Variants in CCNH observed in about 807,000 individuals in gnomAD.
CCNH encodes cyclin-H.
A neutral mutation model predicts 41.9 loss-of-function variants in CCNH; 31 were observed. The observed-to-expected ratio is 0.74, with a 90% CI of 0.56 to 1.00. CCNH has a LOEUF of 1.00. CCNH is among the 50% of genes least tolerant of loss of function. The pLI is 0.00. For synonymous variants in CCNH, 138 were observed against 136.1 expected, an observed-to-expected ratio of 1.01 and a Z score of -0.10; for missense variants, 362 against 388.4, an observed-to-expected ratio of 0.93 and a Z score of 0.57.
At chr5:87,333,820 C>T (rs1757765701) in intron 9 of CCNH, among the ~76,000 whole-genome samples, 1 of 151,986 alleles carries the variant, frequency 6.6e-6, no homozygotes, top group South Asian at 2.1e-4. Context: ...ATTTAATTTT[C>T]TAGTGGAAAC....
At chr5:87,364,527 C>G (rs559993980) in intron 9 of CCNH, among the ~76,000 whole-genome samples, 1 of 152,016 alleles carries the variant, frequency 6.6e-6, no homozygotes, top group Non-Finnish European at 1.5e-5. Flanking sequence ...CCCCTGAATA[C>G]TCACTGATAC....
intron 9 of CCNH, chr5:87,383,676 T>G: frequency 7.1e-7 from 1 of 1,400,890 alleles, no homozygotes; most frequent in Non-Finnish European, 1.0e-6. Flanking sequence ...ATAGGTGTTT[T>G]CTAAAAAAAA....
chr5:87,336,560 A>G (rs927637046), intron 9 of CCNH, among the ~76,000 whole-genome samples: 1 of 152,114 alleles, frequency 6.6e-6, no homozygotes, highest in African/African-American at 2.4e-5. Context: ...ATAATATAGA[A>G]TGAGTTATGA....
exon 1 of CCNH, chr5:87,377,137 A>T: frequency 7.0e-7 from 1 of 1,428,344 alleles, no homozygotes. Flanking sequence ...AAATTGTTAA[A>T]TTATATTGCA....
At chr5:87,342,750 T>G (rs991573798) in intron 9 of CCNH, among the ~76,000 whole-genome samples, 1 of 152,154 alleles carries the variant, frequency 6.6e-6, no homozygotes, top group Non-Finnish European at 1.5e-5. Context: ...TCACTTTGTC[T>G]AGTTGTCTAG....
intron 9 of CCNH, among the ~76,000 whole-genome samples, chr5:87,339,451 T>TGTTA (rs945919004): frequency 2.6e-5 from 4 of 152,332 alleles, no homozygotes; most frequent in African/African-American, 9.6e-5. Context: ...CTATAAAATT[T>TGTTA]GTTAGTTACA....
intron 9 of CCNH, among the ~76,000 whole-genome samples, chr5:87,339,042 CG>C (rs1237359915): frequency 6.6e-6 from 1 of 152,056 alleles, no homozygotes; most frequent in Non-Finnish European, 1.5e-5. Flanking sequence ...CCTTTCCTTT[CG>C]GATTTTTCTA....
At chr5:87,318,675 C>G (rs1000412441) in exon 10 of CCNH, 3 of 152,176 alleles carry the variant, frequency 2.0e-5, no homozygotes, top group African/African-American at 7.2e-5. Flanking sequence ...CTACCAGGTC[C>G]CCTCCCAACA....
At chr5:87,395,540 G>A (rs914802181) in intron 7 of CCNH, among the ~76,000 whole-genome samples, 9 of 152,114 alleles carry the variant, frequency 5.9e-5, no homozygotes, top group Non-Finnish European at 1.2e-4. Context: ...TGTGTGATAA[G>A]AAGTGTTTCA....
At chr5:87,314,155 A>G (rs1044701459), downstream of CCNH, among the ~76,000 whole-genome samples, 2 of 152,186 alleles carry the variant, frequency 1.3e-5, no homozygotes, top group African/African-American at 4.8e-5. Flanking sequence ...CCTGGGCAAC[A>G]AGAGCAAAAC....
downstream of CCNH, chr5:87,392,585 C>T (rs1407022634): frequency 1.0e-5 from 3 of 295,718 alleles, no homozygotes; most frequent in Non-Finnish European, 6.7e-6. Context: ...ATGGATTAGT[C>T]AAGATATTTT....
intron 9 of CCNH, among the ~76,000 whole-genome samples, chr5:87,367,580 C>T (rs1760618138): frequency 6.6e-6 from 1 of 152,178 alleles, no homozygotes; most frequent in East Asian, 1.9e-4. Context: ...TCTAAGCACT[C>T]CATTTCCTTG....
chr5:87,409,289 C>A lies in CCNH; in HGVS notation c.314+1G>T. Reference sequence around the variant, plus strand: ...ACAATATATTAGACAGACATACTCACATTATTATCCTGGGGTGATATTCCA... The same window carrying A: ...ACAATATATTAGACAGACATACTCAAATTATTATCCTGGGGTGATATTCCA... On this transcript the variant is annotated splice_donor_variant, in intron 3 of 8. Coordinates refer to ENST00000256897, the MANE Select transcript of CCNH (RefSeq NM_001239.4). LOFTEE classifies it high-confidence loss of function. The A allele has an allele frequency of 6.7e-7, 1 of 1,496,362 alleles. No homozygotes were observed. Among genetic ancestry groups the A allele is most frequent in the Non-Finnish European group, 9.3e-7 (1 of 1,076,600 alleles). 92.7% of individuals were successfully genotyped at this position (1,496,362 alleles called of 1,614,324 possible).
chr5:87,389,321 A>C (rs903398424), downstream of CCNH: 4 of 1,582,588 alleles, frequency 2.5e-6, no homozygotes, highest in South Asian at 3.3e-5. Flanking sequence ...ACAAGAGCGA[A>C]ACTCTGTCTC....
intron 9 of CCNH, among the ~76,000 whole-genome samples, chr5:87,321,308 C>G (rs1756787599): frequency 6.6e-6 from 1 of 152,188 alleles, no homozygotes; most frequent in Non-Finnish European, 1.5e-5. Flanking sequence ...CAGTATTTCT[C>G]CCTGCCAAAT....
At chr5:87,393,554 C>T (rs1762677616), downstream of CCNH, 1 of 152,284 alleles carries the variant, frequency 6.6e-6, no homozygotes, top group Non-Finnish European at 1.5e-5. Context: ...TCTGTGCTTT[C>T]ATATTTTTAT....
At position 87,371,158 on chromosome 5, in the gene CCNH, T is replaced by C. The variant is rs73156396; in HGVS notation, c.*90+21612A>G. On this transcript the variant is annotated intron_variant and NMD_transcript_variant, in intron 9 of 9. Transcript: ENST00000645953. ...TACCATAATGACATTTCAGCATGTT[T>C]TGCAAGCCTAACATAGAACATTTTT... Among the ~76,000 whole-genome samples, 1,121 of 152,246 alleles carry C rather than the reference T, an allele frequency of 7.4e-3. 13 individuals are homozygous for C. Among genetic ancestry groups the C allele is most frequent in the African/African-American group, 0.026 (1,076 of 41,548 alleles).
At chr5:87,362,405 T>C in intron 9 of CCNH, 1 of 765,866 alleles carries the variant, frequency 1.3e-6, no homozygotes, top group South Asian at 2.0e-5. Flanking sequence ...GAGAATTTCT[T>C]TGGAAAGCAA....
the CCNH span, among the ~76,000 whole-genome samples, chr5:87,313,062 T>C: frequency 3.3e-5 from 5 of 152,196 alleles, no homozygotes; most frequent in African/African-American, 1.2e-4. Flanking sequence ...ACAGGCGTCT[T>C]ACAAATCATC....
Sources: allele counts gnomAD v4.1 joint callset (sites outside exome capture counted in the v4.1 genomes callset), GRCh38; gene constraint gnomAD v4.1.1; transcripts MANE v1.5; gene names NCBI Gene and HGNC (gene_info 2026-07-23, HGNC 2026-07-21).